The following SLC35F1 variants were observed in gnomAD, a reference collection of about 807,000 sequenced individuals.
The protein encoded by SLC35F1 is solute carrier family 35 member F1, also known as chromosome 6 open reading frame 169.
Under a neutral mutation model 48.7 loss-of-function variants are expected in SLC35F1, and 14 were observed. The ratio of observed to expected loss-of-function variants is 0.29; its 90% confidence interval spans 0.19 to 0.45. The LOEUF is 0.45. Ranked by LOEUF, SLC35F1 falls within the 20% of genes least tolerant of loss-of-function variation. SLC35F1 has a pLI of 1.00. For synonymous variants in SLC35F1, 190 were observed against 202.2 expected (o/e 0.94, Z 0.51); for missense variants, 404 against 500.0 (o/e 0.81, Z 1.83).
In SLC35F1 at chr6:118,116,485, C is replaced by T. The variant is rs1582674306; in HGVS notation, c.174-37960C>T. On this transcript the variant is annotated intron_variant, in intron 1 of 7. Coordinates refer to ENST00000360388, the MANE Select transcript of SLC35F1 (RefSeq NM_001029858.4). ...CTTGAGGGCATTCATAGGAATAAAGCCCATCTTCTGTGGACATTAAATGTG... is the reference window on the plus strand; with the variant it reads ...CTTGAGGGCATTCATAGGAATAAAGTCCATCTTCTGTGGACATTAAATGTG... 3.3e-5 allele frequency among the ~76,000 whole-genome samples: 5 copies of T among 152,276 alleles called. 1 individual carries two copies. The highest frequency in any genetic ancestry group is 3.3e-4 in the Admixed American group (5 of 15,288).
chr6:118,253,703 A>G (rs965777891), intron 3 of SLC35F1, among the ~76,000 whole-genome samples: 2 of 152,080 alleles, frequency 1.3e-5, no homozygotes, highest in African/African-American at 4.8e-5. Context: ...GGAAAATTCA[A>G]GGAGAGAGTG....
At chr6:118,052,961 A>G (rs936693153) in intron 1 of SLC35F1, among the ~76,000 whole-genome samples, 2 of 152,166 alleles carry the variant, frequency 1.3e-5, no homozygotes, top group African/African-American at 4.8e-5. Context: ...CCTGTTCTCA[A>G]AGCCCCTTGT....
chr6:117,907,585 C>A lies in SLC35F1; in HGVS notation c.-142C>A. 1 of 443,466 alleles carries A rather than the reference C, an allele frequency of 2.3e-6. No homozygotes were observed. Among genetic ancestry groups the A allele is most frequent in the Non-Finnish European group, 3.8e-6 (1 of 261,476 alleles). The allele number at this position is 443,466 out of a possible 1,614,324, so 27.5% of individuals were successfully genotyped here. The stretch of plus-strand genomic sequence containing the variant: ...CGGCGGCCGTAGCCGCGGGTGCCTC[C>A]CCGCCTCACCGCTTCGCAGGCAGCA... On this transcript the variant is annotated 5_prime_UTR_variant, in exon 1 of 8. Transcript: ENST00000360388.
At chr6:117,929,084 A>T (rs1232324333) in intron 1 of SLC35F1, among the ~76,000 whole-genome samples, 2 of 152,064 alleles carry the variant, frequency 1.3e-5, no homozygotes, top group Admixed American at 1.3e-4. Flanking sequence ...ACCCTCACCC[A>T]TCATGATTGC....
chr6:117,914,331 C>A (rs59609881), intron 1 of SLC35F1, among the ~76,000 whole-genome samples: 6,034 of 150,842 alleles, frequency 0.04, 419 homozygotes, highest in African/African-American at 0.14. Context: ...TAATAAATTC[C>A]ATTTAAAAAA....
chr6:118,083,851 G>A (rs1428588833), intron 1 of SLC35F1, among the ~76,000 whole-genome samples: 2 of 152,170 alleles, frequency 1.3e-5, no homozygotes, highest in Non-Finnish European at 2.9e-5. Context: ...CTTCACAAAT[G>A]CAAACTGTCT....
intron 1 of SLC35F1, among the ~76,000 whole-genome samples, chr6:118,065,660 G>T (rs998368563): frequency 1.3e-5 from 2 of 152,200 alleles, no homozygotes; most frequent in African/African-American, 2.4e-5. Flanking sequence ...CTTATTGGAA[G>T]ATTTACATGA....
chr6:118,050,564 G>C (rs1184688402), intron 1 of SLC35F1, among the ~76,000 whole-genome samples: 1 of 151,966 alleles, frequency 6.6e-6, no homozygotes, highest in Non-Finnish European at 1.5e-5. Context: ...AAACTATCCA[G>C]GCAAAGCAAA....
chr6:118,310,381 G>A (rs535931716), intron 7 of SLC35F1, among the ~76,000 whole-genome samples: 37 of 152,192 alleles, frequency 2.4e-4, no homozygotes, highest in African/African-American at 8.9e-4. Context: ...CTTTTGTCTG[G>A]TTGATTGGTT....
At chr6:118,012,864 T>C (rs2114877682) in intron 1 of SLC35F1, among the ~76,000 whole-genome samples, 1 of 152,274 alleles carries the variant, frequency 6.6e-6, no homozygotes, top group East Asian at 1.9e-4. Context: ...AAGCAACATC[T>C]TTTGCCAACA....
rs922831399 is a variant in SLC35F1, at chr6:117,999,336, C to T, written c.173+91437C>T. The T allele has an allele frequency of 4.8e-5, 77 of 1,595,230 alleles. No homozygotes were observed. In the Admixed American group the frequency reaches 8.5e-4, roughly 18 times the overall value. ...GCCAAGGGGCTCAGGCTGTGCCGGC[C>T]AAAGGCCAAGGCCAAGGCCAAGGAT... On this transcript the variant is annotated intron_variant, in intron 1 of 7. Coordinates refer to ENST00000360388, the MANE Select transcript of SLC35F1 (RefSeq NM_001029858.4).
intron 3 of SLC35F1, among the ~76,000 whole-genome samples, chr6:118,255,811 G>A (rs1441100991): frequency 1.1e-4 from 16 of 152,196 alleles, no homozygotes; most frequent in Non-Finnish European, 5.9e-5. Context: ...AGTTAGCACA[G>A]TGACACATTT....
chr6:118,152,244 T>C (rs1774071465), intron 1 of SLC35F1, among the ~76,000 whole-genome samples: 1 of 152,170 alleles, frequency 6.6e-6, no homozygotes, highest in Non-Finnish European at 1.5e-5. Context: ...CAGAAGACCA[T>C]ATCTCACTGC....
chr6:118,061,831 C>T (rs550181096), intron 1 of SLC35F1, among the ~76,000 whole-genome samples: 24 of 152,160 alleles, frequency 1.6e-4, no homozygotes, highest in East Asian at 5.8e-4. Flanking sequence ...CTAGATCCTT[C>T]GCATGCGCAG....
intron 2 of SLC35F1, among the ~76,000 whole-genome samples, chr6:118,228,723 C>G (rs1775250951): frequency 6.6e-6 from 1 of 152,044 alleles, no homozygotes; most frequent in Admixed American, 6.6e-5. Flanking sequence ...AATACTCAAA[C>G]TTTCCCCTTT....
intron 1 of SLC35F1, among the ~76,000 whole-genome samples, chr6:117,911,099 T>A (rs114283188): frequency 6.1e-4 from 93 of 152,300 alleles, no homozygotes; most frequent in African/African-American, 2.1e-3. Flanking sequence ...AATTGGGGTA[T>A]TTCATTGGTT....
At chr6:118,303,674 A>G (rs1562356584) in intron 7 of SLC35F1, among the ~76,000 whole-genome samples, 1 of 152,236 alleles carries the variant, frequency 6.6e-6, no homozygotes, top group East Asian at 1.9e-4. Flanking sequence ...GCAGTAGACT[A>G]CAGCTTTGTT....
chr6:118,063,053 CAT>C (rs1239356674), intron 1 of SLC35F1, among the ~76,000 whole-genome samples: 1 of 152,002 alleles, frequency 6.6e-6, no homozygotes, highest in Admixed American at 6.6e-5. Flanking sequence ...GATTTGATGT[CAT>C]GTGGTCACAA....
At chr6:118,147,564 A>T (rs1773993016) in intron 1 of SLC35F1, among the ~76,000 whole-genome samples, 1 of 152,194 alleles carries the variant, frequency 6.6e-6, no homozygotes, top group South Asian at 2.1e-4. Context: ...TACATGAAGA[A>T]GCCCAAACCC....
Sources: allele counts gnomAD v4.1 joint callset (sites outside exome capture counted in the v4.1 genomes callset), GRCh38; gene constraint gnomAD v4.1.1; transcripts MANE v1.5; gene names NCBI Gene and HGNC (gene_info 2026-07-23, HGNC 2026-07-21).